The following KCNQ3 variants were observed in gnomAD, a reference collection of about 807,000 sequenced individuals.
KCNQ3 encodes potassium voltage-gated channel subfamily KQT member 3.
KCNQ3 carries 30 observed loss-of-function variants against 92.5 expected under a neutral mutation model. That is an observed-to-expected ratio of 0.32 (90% confidence interval 0.24 to 0.44). The LOEUF is 0.44. KCNQ3 is among the 20% of genes least tolerant of loss of function. The probability of loss-of-function intolerance (pLI) is 1.00; values close to 1 mark genes in which losing one functional copy is unlikely to be tolerated. For synonymous variants in KCNQ3, 450 were observed against 468.8 expected (o/e 0.96, Z 0.52); for missense variants, 913 against 1,140.3 (o/e 0.80, Z 2.87).
At chr8:132,443,696 T>C (rs1054731654) in intron 1 of KCNQ3, among the ~76,000 whole-genome samples, 1 of 152,130 alleles carries the variant, frequency 6.6e-6, no homozygotes, top group Non-Finnish European at 1.5e-5. Context: ...ATGTTTTTTG[T>C]TGCATTTTGT....
At chr8:132,358,502 C>T (rs1464507759) in intron 1 of KCNQ3, among the ~76,000 whole-genome samples, 1 of 152,164 alleles carries the variant, frequency 6.6e-6, no homozygotes, top group Non-Finnish European at 1.5e-5. Context: ...ATGACTTTGG[C>T]TCCTTCCAAC....
rs146013702 is a variant in KCNQ3, at chr8:132,434,956, G to A, written c.386+45191C>T. On this transcript the variant is annotated intron_variant, in intron 1 of 14. Coordinates refer to ENST00000388996, the MANE Select transcript of KCNQ3 (RefSeq NM_004519.4). The stretch of plus-strand genomic sequence containing the variant: ...CTGTAAATTTTTCTGAGTCTGAACA[G>A]TTTCTGGCCCCAAAGTTCAGCTCTC... Among the ~76,000 whole-genome samples the A allele has an allele frequency of 2.0e-3, 298 of 152,322 alleles. 1 individual carries two copies. Among genetic ancestry groups the A allele is most frequent in the African/African-American group, 6.8e-3 (282 of 41,560 alleles).
chr8:132,466,469 C>G (rs546193455), intron 1 of KCNQ3, among the ~76,000 whole-genome samples: 1 of 152,246 alleles, frequency 6.6e-6, no homozygotes, highest in Non-Finnish European at 1.5e-5. Context: ...ATTTCTCTGC[C>G]CCCAGGAGCA....
rs1394934397 is a variant in KCNQ3, at chr8:132,406,164, G to C, written c.386+73983C>G. ...GTCGTTTCAAAATATTTAACCCCAG[G>C]TATTGCCTGGATACTGATAAGTCAG... is the stretch of plus-strand genomic sequence containing the variant. On this transcript the variant is annotated intron_variant, in intron 1 of 14. Transcript: ENST00000388996. 3.3e-5 allele frequency among the ~76,000 whole-genome samples: 5 copies of C among 152,296 alleles called. No individual in the cohort carries two copies. The East Asian group carries it at 9.7e-4, about 29-fold the overall frequency.
intron 10 of KCNQ3, 92 bp downstream of exon 10, chr8:132,141,037 T>A: frequency 8.3e-7 from 1 of 1,199,886 alleles, no homozygotes. Context: ...GAGTCAAAGG[T>A]TCTTAAGTGG....
At chr8:132,247,104 G>A (rs1470821412) in intron 1 of KCNQ3, among the ~76,000 whole-genome samples, 1 of 152,158 alleles carries the variant, frequency 6.6e-6, no homozygotes, top group Non-Finnish European at 1.5e-5. Context: ...TCCTGTGACT[G>A]CCTCATTGTG....
At chr8:132,149,067 A>G (rs2130957443) in intron 9 of KCNQ3, among the ~76,000 whole-genome samples, 1 of 152,364 alleles carries the variant, frequency 6.6e-6, no homozygotes, top group East Asian at 1.9e-4. Context: ...AGCTAGAAAC[A>G]AAGATTTGCC....
At chr8:132,297,643 C>T (rs1409362612) in intron 1 of KCNQ3, among the ~76,000 whole-genome samples, 1 of 51,176 alleles carries the variant, frequency 2.0e-5, no homozygotes, top group African/African-American at 4.9e-5. Context: ...GTGCAGTTTA[C>T]ATTACAATAA....
intron 9 of KCNQ3, among the ~76,000 whole-genome samples, chr8:132,149,892 G>C (rs558293380): frequency 3.3e-5 from 5 of 152,270 alleles, no homozygotes; most frequent in Admixed American, 3.3e-4. Context: ...CCCAGCCAGA[G>C]AGTCCAGCTC....
At chr8:132,321,028 C>T (rs140525070) in intron 1 of KCNQ3, among the ~76,000 whole-genome samples, 51 of 152,238 alleles carry the variant, frequency 3.4e-4, no homozygotes, top group Non-Finnish European at 3.2e-4. Flanking sequence ...TGGTCTAAGA[C>T]AGGACCTGGT....
At chr8:132,276,069 A>G (rs1481007394) in intron 1 of KCNQ3, among the ~76,000 whole-genome samples, 1 of 152,228 alleles carries the variant, frequency 6.6e-6, no homozygotes, top group African/African-American at 2.4e-5. Context: ...GATTTGCACA[A>G]TAGTCTCAGT....
At chr8:132,136,977 G>A (rs971978046) in intron 12 of KCNQ3, among the ~76,000 whole-genome samples, 3 of 146,976 alleles carry the variant, frequency 2.0e-5, no homozygotes, top group Non-Finnish European at 3.0e-5. Context: ...CGATTCTTCC[G>A]TCTCAGCCTC....
chr8:132,392,878 A>T (rs543931096), intron 1 of KCNQ3, among the ~76,000 whole-genome samples: 42 of 151,264 alleles, frequency 2.8e-4, no homozygotes, highest in African/African-American at 9.9e-4. Context: ...TTTAGTCCAC[A>T]GCACTTTTCA....
At chr8:132,361,351 C>T (rs563025230) in intron 1 of KCNQ3, among the ~76,000 whole-genome samples, 7 of 152,274 alleles carry the variant, frequency 4.6e-5, no homozygotes, top group African/African-American at 1.4e-4. Flanking sequence ...AAACTCTCCC[C>T]AAATGGCCAT....
intron 1 of KCNQ3, among the ~76,000 whole-genome samples, chr8:132,426,898 G>T (rs542494179): frequency 1.3e-5 from 2 of 152,286 alleles, no homozygotes; most frequent in African/African-American, 4.8e-5. Flanking sequence ...ACATTCCTAA[G>T]AAGGGATAGG....
At chr8:132,212,215 T>C (rs1027404041) in intron 1 of KCNQ3, among the ~76,000 whole-genome samples, 5 of 152,044 alleles carry the variant, frequency 3.3e-5, no homozygotes, top group African/African-American at 4.8e-5. Flanking sequence ...CACACTCACT[T>C]TTCCAACTCA....
At chr8:132,199,471 C>T (rs1408250472) in intron 1 of KCNQ3, among the ~76,000 whole-genome samples, 1 of 151,956 alleles carries the variant, frequency 6.6e-6, no homozygotes, top group Non-Finnish European at 1.5e-5. Context: ...TTTTGTCTTC[C>T]CTCTTTGGTA....
At chr8:132,418,537 G>C (rs1402377906) in intron 1 of KCNQ3, among the ~76,000 whole-genome samples, 1 of 152,198 alleles carries the variant, frequency 6.6e-6, no homozygotes. Context: ...TGTAATCCCA[G>C]CATTTTGGGA....
chr8:132,351,928 G>A (rs935775812), intron 1 of KCNQ3, among the ~76,000 whole-genome samples: 1 of 152,154 alleles, frequency 6.6e-6, no homozygotes, highest in African/African-American at 2.4e-5. Flanking sequence ...TCCATCTGGG[G>A]TGACTTCAAA....
Sources: allele counts gnomAD v4.1 joint callset (sites outside exome capture counted in the v4.1 genomes callset), GRCh38; gene constraint gnomAD v4.1.1; transcripts MANE v1.5; gene names NCBI Gene and HGNC (gene_info 2026-07-23, HGNC 2026-07-21).